PGM1: variants seen among roughly 807,000 people sequenced by gnomAD.
The protein encoded by PGM1 is phosphoglucomutase 1, also known as phosphoglucomutase-1.
In PGM1, 52 loss-of-function variants were observed where a neutral mutation model predicts 55.6. The ratio of observed to expected loss-of-function variants is 0.94; its 90% CI spans 0.75 to 1.18. The LOEUF (loss-of-function observed/expected upper bound fraction) is 1.18, where lower values mean the gene tolerates loss of function less well. Among genes scored for constraint, PGM1 ranks in the 50% most tolerant of loss-of-function variants. The probability of loss-of-function intolerance (pLI) is 0.00; values close to 1 mark genes in which losing one functional copy is unlikely to be tolerated. For missense variants in PGM1, 724 were observed against 729.3 expected, an observed-to-expected ratio of 0.99 and a Z score of 0.08; for synonymous variants, 287 against 271.7, an observed-to-expected ratio of 1.06 and a Z score of -0.55.
intron 3 of PGM1, among the ~76,000 whole-genome samples, 170 bp downstream of exon 3, chr1:63,630,258 G>A (rs1297005325): frequency 1.3e-5 from 2 of 152,184 alleles, no homozygotes; most frequent in Non-Finnish European, 2.9e-5. Flanking sequence ...TGGGAGACCA[G>A]AGACCTGGGC....
intron 7 of PGM1, among the ~76,000 whole-genome samples, chr1:63,647,158 G>A (rs546205858): frequency 2.0e-5 from 3 of 151,058 alleles, no homozygotes; most frequent in South Asian, 2.1e-4. Flanking sequence ...CAGGAGAATC[G>A]CTTGAGCCTG....
chr1:63,602,129 A>G (rs1483892676), intron 1 of PGM1, among the ~76,000 whole-genome samples: 2 of 152,192 alleles, frequency 1.3e-5, no homozygotes, highest in African/African-American at 4.8e-5. Context: ...TCTTTTCCAT[A>G]AATAAATATA....
intron 1 of PGM1, among the ~76,000 whole-genome samples, chr1:63,599,658 C>T (rs913363731): frequency 6.6e-6 from 1 of 152,050 alleles, no homozygotes; most frequent in Admixed American, 6.6e-5. Flanking sequence ...GGTGTGGTTT[C>T]GGGCGCCTGT....
At chr1:63,658,531 T>C (rs1484948599) in intron 10 of PGM1, among the ~76,000 whole-genome samples, 1 of 152,030 alleles carries the variant, frequency 6.6e-6, no homozygotes, top group Non-Finnish European at 1.5e-5. Context: ...GGCAGGCAGA[T>C]CACCTGAGGT....
chr1:63,639,697 A>T (rs1245515460), intron 7 of PGM1, among the ~76,000 whole-genome samples: 1 of 152,112 alleles, frequency 6.6e-6, no homozygotes, highest in African/African-American at 2.4e-5. Flanking sequence ...GTCACCCTTT[A>T]GTGAAGAAAA....
At position 63,623,761 on chromosome 1, in the gene PGM1, G is replaced by A. The variant is rs77043134; in HGVS notation, c.247-5664G>A. 20,085 of 1,602,052 alleles carry A rather than the reference G, an allele frequency of 0.013. 156 individuals are homozygous for A. The highest frequency in any genetic ancestry group is 0.015 in the Non-Finnish European group (17,634 of 1,171,044). On this transcript the variant is annotated intron_variant, in intron 1 of 10. Coordinates refer to ENST00000371084, the MANE Select transcript of PGM1 (RefSeq NM_002633.3). ...AGTGCAGATGGCAGCTGCCAATGGG[G>A]TGGGTATATGATAAGTATTGTTATG...
In PGM1 at chr1:63,594,053, CG is replaced by C; in HGVS notation, c.246+320del. 8 of 1,083,172 alleles carry C rather than the reference CG, an allele frequency of 7.4e-6. No individual in the cohort carries two copies. In the African/African-American group the frequency reaches 1.3e-4, roughly 18 times the overall value. The allele number at this position is 1,083,172 out of a possible 1,614,324, so 67.1% of individuals were successfully genotyped here. On this transcript the variant is annotated intron_variant, in intron 1 of 10. Transcript: ENST00000371084. ...CGCTGCCTTCCCTCTCCCCGTCCCC[CG>C]CCCCTCCCGAGGCGTCTGACATTTG...
At chr1:63,615,514 A>G (rs1215329903) in intron 1 of PGM1, among the ~76,000 whole-genome samples, 1 of 150,742 alleles carries the variant, frequency 6.6e-6, no homozygotes, top group East Asian at 2.0e-4. Flanking sequence ...GACAGACAGA[A>G]AATAACCTCA....
intron 8 of PGM1, among the ~76,000 whole-genome samples, chr1:63,649,143 T>C (rs950328053): frequency 1.3e-5 from 2 of 152,194 alleles, no homozygotes; most frequent in Admixed American, 1.3e-4. Context: ...TTTTCATAAA[T>C]TATAGAAACA....
intron 3 of PGM1, among the ~76,000 whole-genome samples, 181 bp downstream of exon 3, chr1:63,630,269 T>C (rs1649159930): frequency 6.6e-6 from 1 of 152,138 alleles, no homozygotes; most frequent in Non-Finnish European, 1.5e-5. Flanking sequence ...AGACCTGGGC[T>C]CCCTGGGCCC....
At chr1:63,607,992 T>C (rs1648468552) in intron 1 of PGM1, among the ~76,000 whole-genome samples, 2 of 152,264 alleles carry the variant, frequency 1.3e-5, no homozygotes, top group South Asian at 2.1e-4. Flanking sequence ...AGATTTGTCA[T>C]GACTGAGGAC....
Position 63,593,520 on chromosome 1 carries a change from C to A in PGM1, c.32C>A (p.Ala11Glu), listed in dbSNP as rs1180200258. ...AAGATCGTGACAGTTAAGACCCAGG[C>A]GTACCAGGACCAGAAGCCGGGCACG... The part of the protein sequence containing the change: MVKIVTVKTQ[A>E]YQDQKPGTSG... The change falls in exon 1 of 11, where the codon GCG becomes GAG. Residue 11 changes from alanine (A) to glutamate (E), a missense_variant. Transcript: ENST00000371084. The A allele has an allele frequency of 1.2e-6, 2 of 1,613,706 alleles. No homozygotes were observed. Among genetic ancestry groups the A allele is most frequent in the Admixed American group, 1.7e-5 (1 of 59,996 alleles).
chr1:63,603,282 G>A (rs1048335459), intron 1 of PGM1, among the ~76,000 whole-genome samples: 2 of 152,218 alleles, frequency 1.3e-5, no homozygotes, highest in African/African-American at 2.4e-5. Context: ...TAGAATGTAA[G>A]GGGTGTTGGG....
intron 1 of PGM1, among the ~76,000 whole-genome samples, chr1:63,598,687 T>C (rs1277215828): frequency 6.6e-6 from 1 of 152,212 alleles, no homozygotes; most frequent in African/African-American, 2.4e-5. Flanking sequence ...ATTTTGTCAT[T>C]CATATTCATG....
At chr1:63,596,320 G>A (rs575431516) in intron 1 of PGM1, among the ~76,000 whole-genome samples, 16 of 141,642 alleles carry the variant, frequency 1.1e-4, no homozygotes, top group African/African-American at 3.4e-4. Context: ...GTGCAGTGGC[G>A]CAATCAGCTC....
intron 10 of PGM1, 94 bp from the exon 11 acceptor site, chr1:63,659,492 G>C: frequency 1.0e-6 from 1 of 967,730 alleles, no homozygotes; most frequent in Non-Finnish European, 1.7e-6. Flanking sequence ...GAGCCTTGGA[G>C]ACCTGGAAGT....
At chr1:63,655,649 A>G (rs1186785947) in intron 10 of PGM1, 1 of 152,270 alleles carries the variant, frequency 6.6e-6, no homozygotes, top group Non-Finnish European at 1.5e-5. Flanking sequence ...TATCTCAACC[A>G]GAGCTCCATA....
In PGM1 at chr1:63,629,887, T is replaced by C; in HGVS notation, c.410-55T>C. 1.9e-6 allele frequency: 3 copies of C among 1,602,366 alleles called. No individual in the cohort carries two copies. The South Asian group carries it at 3.3e-5, about 18-fold the overall frequency. ...AGGAACTGATGAGCTTTGGATTCTT[T>C]GTATTTCCATGTGAGCTGCACGAAG... On this transcript the variant is annotated intron_variant, in intron 2 of 10. Transcript: ENST00000371084.
rs531893422 is a variant in PGM1 at position 63,634,803 on chromosome 1, A to T, written c.683-26A>T. 6.3e-6 allele frequency: 10 copies of T among 1,592,464 alleles called. No homozygotes were observed. The Admixed American group carries it at 6.7e-5, about 11-fold the overall frequency. The stretch of plus-strand genomic sequence containing the variant: ...AAGGAGTTTTATTTTCTGATTCTGC[A>T]TACATTTATTCCATGCTGTATATAG... On this transcript the variant is annotated intron_variant, in intron 4 of 10. Transcript: ENST00000371084.
Sources: gnomAD v4.1 joint callset for allele counts (sites outside exome capture counted in the v4.1 genomes callset) on GRCh38, gnomAD v4.1.1 for gene constraint, MANE v1.5 for transcripts, NCBI Gene and HGNC (gene_info 2026-07-23, HGNC 2026-07-21) for gene names.